The following CRYL1 variants were observed in gnomAD, a reference collection of about 807,000 sequenced individuals.
The protein encoded by CRYL1 is crystallin lambda 1, also known as lambda-crystallin homolog.
In CRYL1, 29 loss-of-function variants were observed where a neutral mutation model predicts 36.6. That is an observed-to-expected ratio of 0.79 (90% CI 0.59 to 1.08). CRYL1 has a LOEUF of 1.08. CRYL1 is among the 50% of genes least tolerant of loss of function. CRYL1 has a pLI of 0.00. For synonymous variants in CRYL1, 152 were observed against 151.5 expected, an observed-to-expected ratio of 1.00 and a Z score of -0.02; for missense variants, 411 against 407.9, an observed-to-expected ratio of 1.01 and a Z score of -0.06.
At position 20,425,158 on chromosome 13, in the gene CRYL1, G is replaced by A. The variant is rs138967755; in HGVS notation, c.633+6944C>T. ...ACCACAGCAATTCACTTCCAACGCC[G>A]TCCTTCCCCAGAAAAGCTGCCAGCA... On this transcript the variant is annotated intron_variant, in intron 5 of 7. Coordinates refer to ENST00000298248, the MANE Select transcript of CRYL1 (RefSeq NM_015974.3). The surrounding 1 kb of genome is among the most constrained non-coding windows in gnomAD (Gnocchi z 4.4). Among the ~76,000 whole-genome samples, 64 of 152,252 alleles carry A rather than the reference G, an allele frequency of 4.2e-4. 1 individual carries two copies. In the East Asian group the frequency reaches 8.3e-3, roughly 20 times the overall value.
chr13:20,517,323 G>A (rs1037532681), intron 1 of CRYL1, among the ~76,000 whole-genome samples: 6 of 152,092 alleles, frequency 3.9e-5, no homozygotes, highest in Non-Finnish European at 7.4e-5. Flanking sequence ...CTTTATGGCC[G>A]GGTGCAGTGG....
chr13:20,493,443 T>C (rs2033549748), intron 2 of CRYL1, among the ~76,000 whole-genome samples: 1 of 152,162 alleles, frequency 6.6e-6, no homozygotes, highest in South Asian at 2.1e-4. Flanking sequence ...GCAGATTACC[T>C]GAGCTCAGGA....
At chr13:20,465,067 A>G (rs2032904321) in intron 3 of CRYL1, among the ~76,000 whole-genome samples, 1 of 152,078 alleles carries the variant, frequency 6.6e-6, no homozygotes, top group Admixed American at 6.5e-5. Flanking sequence ...CACACCAACA[A>G]CTCCATAGTA....
chr13:20,434,215 G>T (rs1481770331), intron 4 of CRYL1, among the ~76,000 whole-genome samples: 1 of 152,168 alleles, frequency 6.6e-6, no homozygotes, highest in African/African-American at 2.4e-5. Flanking sequence ...GAGAGGTGAG[G>T]CCAGCTGGAC....
Position 20,460,339 on chromosome 13 carries a change from A to C in CRYL1, c.277-20585T>G, listed in dbSNP as rs562430845. Among the ~76,000 whole-genome samples the C allele has an allele frequency of 1.4e-4, 22 of 152,306 alleles. No individual in the cohort carries two copies. In the South Asian group the frequency reaches 4.6e-3, roughly 32 times the overall value. On this transcript the variant is annotated intron_variant, in intron 3 of 7. Transcript: ENST00000298248. ...TTTTTGAACCACAGATTACTACAGC[A>C]TAGAAAGCGATAGTTTATTTTTCAA...
chr13:20,472,713 G>A (rs1000002395), intron 3 of CRYL1, among the ~76,000 whole-genome samples: 2 of 152,216 alleles, frequency 1.3e-5, no homozygotes, highest in Admixed American at 6.5e-5. Flanking sequence ...GCTCACTGGG[G>A]CAGGCCTGTC....
intron 2 of CRYL1, among the ~76,000 whole-genome samples, chr13:20,500,231 CTT>C (rs1229088644): frequency 6.6e-6 from 1 of 151,878 alleles, no homozygotes; most frequent in East Asian, 1.9e-4. Context: ...GAATTTTTTT[CTT>C]TTGAGTCATC....
intron 2 of CRYL1, among the ~76,000 whole-genome samples, chr13:20,509,238 T>C (rs558773677): frequency 2.9e-5 from 3 of 104,924 alleles, no homozygotes; most frequent in Non-Finnish European, 3.8e-5. Flanking sequence ...AAACATCTTT[T>C]TGCCTCATAG....
chr13:20,475,708 G>T (rs1294451998), intron 3 of CRYL1, among the ~76,000 whole-genome samples: 1 of 152,146 alleles, frequency 6.6e-6, no homozygotes, highest in African/African-American at 2.4e-5. Context: ...TGGGAACAGA[G>T]GGGAATCACC....
chr13:20,403,952 T>G lies in CRYL1; in HGVS notation c.*177A>C, dbSNP rs867258542. 6.3e-6 allele frequency: 3 copies of G among 476,102 alleles called. 1 individual carries two copies. The South Asian group carries it at 1.1e-4, about 18-fold the overall frequency. The allele number at this position is 476,102 out of a possible 1,614,324, so 29.5% of individuals were successfully genotyped here. On this transcript the variant is annotated 3_prime_UTR_variant, in exon 8 of 8. Transcript: ENST00000298248. ...TGCTGTGCCGCCAGGCCCAGGGCTA[T>G]GATCCAAAGTGACGGGCAGACTACC... is the stretch of plus-strand genomic sequence containing the variant.
chr13:20,460,683 G>A (rs560120273), intron 3 of CRYL1, among the ~76,000 whole-genome samples: 8 of 151,774 alleles, frequency 5.3e-5, no homozygotes, highest in South Asian at 2.1e-4. Flanking sequence ...CCGCCACTAC[G>A]CCCGGCTAAT....
At chr13:20,449,812 G>C (rs553217146) in intron 3 of CRYL1, among the ~76,000 whole-genome samples, 4 of 152,212 alleles carry the variant, frequency 2.6e-5, no homozygotes, top group African/African-American at 9.6e-5. Flanking sequence ...TTCAAGCTGA[G>C]AGCCAAATTA....
At chr13:20,420,998 C>T (rs902050539) in intron 5 of CRYL1, among the ~76,000 whole-genome samples, 1 of 151,738 alleles carries the variant, frequency 6.6e-6, no homozygotes, top group African/African-American at 2.4e-5. Flanking sequence ...CTCCCAAAAT[C>T]CTGGGATTAC....
At chr13:20,430,577 AAGGAAACACCAG>A in intron 5 of CRYL1, 1 of 985,392 alleles carries the variant, frequency 1.0e-6, no homozygotes, top group African/African-American at 1.7e-5. Flanking sequence ...CCAGCAGCAA[AAGGAAACACCAG>A]AGTCCTCCAT....
In CRYL1 at chr13:20,481,234, G is replaced by A. The variant is rs943899604; in HGVS notation, c.276+8136C>T. Among the ~76,000 whole-genome samples the A allele has an allele frequency of 9.9e-5, 15 of 152,238 alleles. No homozygotes were observed. The highest frequency in any genetic ancestry group is 2.9e-4 in the African/African-American group (12 of 41,546). ...TGCCCCAGTCCATCCAGAGTCCCAC[G>A]CACCTTAGTAATGTCATACCACTCA... On this transcript the variant is annotated intron_variant, in intron 3 of 7. Transcript: ENST00000298248. The surrounding 1 kb of genome is among the most constrained non-coding windows in gnomAD (Gnocchi z 4.1).
intron 2 of CRYL1, among the ~76,000 whole-genome samples, chr13:20,507,443 T>G (rs2033813265): frequency 6.6e-6 from 1 of 152,322 alleles, no homozygotes; most frequent in Middle Eastern, 3.4e-3. Flanking sequence ...AGAAACAGTT[T>G]GTCAACTCCT....
chr13:20,410,947 T>C (rs1358899674), intron 6 of CRYL1, among the ~76,000 whole-genome samples: 1 of 152,228 alleles, frequency 6.6e-6, no homozygotes, highest in Non-Finnish European at 1.5e-5. Context: ...TCAGGGGTGT[T>C]GTTTGTAAAA....
intron 3 of CRYL1, among the ~76,000 whole-genome samples, chr13:20,487,712 G>C (rs138307990): frequency 0.026 from 4,005 of 152,184 alleles, 158 homozygotes; most frequent in African/African-American, 0.089. Context: ...CCAGGAGGCG[G>C]AGGTTGCAAT....
Position 20,473,597 on chromosome 13 carries a change from C to T in CRYL1, c.276+15773G>A, listed in dbSNP as rs9315611. Among the ~76,000 whole-genome samples, 10,270 of 152,270 alleles carry T rather than the reference C, an allele frequency of 0.067. 529 individuals are homozygous for T. The highest frequency in any genetic ancestry group is 0.16 in the Admixed American group (2,453 of 15,298). On this transcript the variant is annotated intron_variant, in intron 3 of 7. Coordinates refer to ENST00000298248, the MANE Select transcript of CRYL1 (RefSeq NM_015974.3). ...GCCAAGGTGTCTGTCTGGGGCTTCA[C>T]GGAGCCCACCGTCCTGGCCATCACA...
Sources: gnomAD v4.1 joint callset for allele counts (sites outside exome capture counted in the v4.1 genomes callset) on GRCh38, gnomAD v4.1.1 for gene constraint, Gnocchi (gnomAD v3.1) non-coding constraint, MANE v1.5 for transcripts, NCBI Gene and HGNC (gene_info 2026-07-23, HGNC 2026-07-21) for gene names.